Variants in CYFIP1 observed in about 807,000 individuals in gnomAD.
The protein encoded by CYFIP1 is cytoplasmic FMR1 interacting protein 1, also known as cytoplasmic FMR1-interacting protein 1.
A neutral mutation model predicts 163.5 loss-of-function variants in CYFIP1; 58 were observed. The ratio of observed to expected loss-of-function variants is 0.35; its 90% CI spans 0.29 to 0.44. CYFIP1 has a LOEUF of 0.44. Among genes scored for constraint, CYFIP1 ranks in the 20% least tolerant of loss-of-function variants. The pLI is 1.00. For synonymous variants in CYFIP1, 663 were observed against 660.7 expected (o/e 1.00, Z -0.05); for missense variants, 1,338 against 1,653.8 (o/e 0.81, Z 3.31).
chr15:22,895,171 A>C (rs1487177924), intron 22 of CYFIP1, among the ~76,000 whole-genome samples: 1 of 151,982 alleles, frequency 6.6e-6, no homozygotes, highest in Non-Finnish European at 1.5e-5. Flanking sequence ...CCCGCCACCA[A>C]GCCCAGCTAA....
chr15:22,917,504 C>G lies in CYFIP1; in HGVS notation c.1674+284G>C, dbSNP rs1595596344. 2 of 545,896 alleles carry G rather than the reference C, an allele frequency of 3.7e-6. No homozygotes were observed. The highest frequency in any genetic ancestry group is 6.8e-5 in the East Asian group (2 of 29,324). The allele number at this position is 545,896 out of a possible 1,614,324, so 33.8% of individuals were successfully genotyped here. ...CCCATCAAGAAACACAGAATGAATACAGACACGTGGACTTGTGCCCACATT... is the reference window on the plus strand; with the variant it reads ...CCCATCAAGAAACACAGAATGAATAGAGACACGTGGACTTGTGCCCACATT... On this transcript the variant is annotated intron_variant, in intron 15 of 30. Coordinates refer to ENST00000617928, the MANE Select transcript of CYFIP1 (RefSeq NM_014608.6). The surrounding 1 kb of genome is among the most constrained non-coding windows in gnomAD (Gnocchi z 4.2).
intron 1 of CYFIP1, among the ~76,000 whole-genome samples, chr15:22,972,021 T>G (rs1398498485): frequency 1.3e-5 from 2 of 152,190 alleles, no homozygotes; most frequent in Non-Finnish European, 2.9e-5. Flanking sequence ...CCTACCATAT[T>G]CTTCATGCAA....
chr15:22,894,283 T>C (rs1009014262), intron 22 of CYFIP1, among the ~76,000 whole-genome samples: 14 of 137,488 alleles, frequency 1.0e-4, no homozygotes, highest in African/African-American at 2.5e-4. Flanking sequence ...CTTTTCTTTT[T>C]TTTTTTTTTT....
intron 12 of CYFIP1, among the ~76,000 whole-genome samples, chr15:22,927,152 C>T (rs2061380201): frequency 6.6e-6 from 1 of 151,986 alleles, no homozygotes; most frequent in African/African-American, 2.4e-5. Context: ...GCCTGGCCCA[C>T]ACGGCGAGAC....
intron 9 of CYFIP1, among the ~76,000 whole-genome samples, chr15:22,934,120 A>ACC (rs2061625224): frequency 6.8e-6 from 1 of 147,482 alleles, no homozygotes; most frequent in South Asian, 2.1e-4. Context: ...GTTAAAATTA[A>ACC]CCTACCATGT....
At chr15:22,873,904 C>G (rs1407711096) in intron 28 of CYFIP1, among the ~76,000 whole-genome samples, 175 bp from the exon 29 acceptor site, 2 of 152,216 alleles carry the variant, frequency 1.3e-5, no homozygotes, top group African/African-American at 4.8e-5. Flanking sequence ...CGACCAGGTG[C>G]ATGCCACCAC....
intron 21 of CYFIP1, among the ~76,000 whole-genome samples, chr15:22,906,471 T>C: frequency 6.8e-6 from 1 of 147,274 alleles, no homozygotes; most frequent in East Asian, 2.0e-4. Context: ...TATTTTTTTT[T>C]TTTTTTTTTT....
chr15:22,905,862 C>A (rs1195546535), intron 21 of CYFIP1, among the ~76,000 whole-genome samples: 1 of 151,874 alleles, frequency 6.6e-6, no homozygotes, highest in Non-Finnish European at 1.5e-5. Context: ...CGGGTTCCTG[C>A]CATTCTCCTG....
intron 28 of CYFIP1, among the ~76,000 whole-genome samples, chr15:22,874,278 C>T (rs1268081459): frequency 6.6e-6 from 1 of 152,232 alleles, no homozygotes; most frequent in African/African-American, 2.4e-5. Flanking sequence ...AAGCCTTCTT[C>T]ATGAAGGGCT....
chr15:22,948,918 A>C (rs972785750), intron 1 of CYFIP1, among the ~76,000 whole-genome samples: 3 of 151,956 alleles, frequency 2.0e-5, no homozygotes, highest in Non-Finnish European at 4.4e-5. Flanking sequence ...AATTTTGGGG[A>C]TCTTCAGGAC....
chr15:22,934,820 A>T (rs548143414), intron 9 of CYFIP1, among the ~76,000 whole-genome samples: 182 of 152,066 alleles, frequency 1.2e-3, no homozygotes, highest in Non-Finnish European at 2.1e-3. Flanking sequence ...ATATACTAGC[A>T]ACAATCAGAA....
intron 16 of CYFIP1, among the ~76,000 whole-genome samples, chr15:22,915,614 T>C (rs2142094923): frequency 6.6e-6 from 1 of 152,206 alleles, no homozygotes; most frequent in Admixed American, 6.5e-5. Context: ...CCAGGCGCAG[T>C]GGTGAGCACC....
At position 22,944,685 on chromosome 15, in the gene CYFIP1, A is replaced by AT. The variant is rs765960160; in HGVS notation, c.286-27dup. On this transcript the variant is annotated intron_variant, in intron 4 of 30. Coordinates refer to ENST00000617928, the MANE Select transcript of CYFIP1 (RefSeq NM_014608.6). The stretch of plus-strand genomic sequence containing the variant: ...CTGGGAATAAAGGAACAAGGATGAC[A>AT]TAAGAGGCTTTGATCCAGCCAGAAG... 3.8e-6 allele frequency: 6 copies of AT among 1,598,814 alleles called. No homozygotes were observed. The African/African-American group carries it at 8.0e-5, about 21-fold the overall frequency.
At chr15:22,929,941 CA>C (rs1206518800) in intron 11 of CYFIP1, among the ~76,000 whole-genome samples, 4 of 133,928 alleles carry the variant, frequency 3.0e-5, no homozygotes, top group East Asian at 2.4e-4. Flanking sequence ...ACCTCAAAAA[CA>C]AACAAAAAAA....
At chr15:22,888,123 TAA>T (rs2059975998) in intron 23 of CYFIP1, among the ~76,000 whole-genome samples, 2 of 152,184 alleles carry the variant, frequency 1.3e-5, no homozygotes, top group Admixed American at 6.5e-5. Flanking sequence ...TAACATTGCA[TAA>T]ATGGGTCCCT....
intron 1 of CYFIP1, among the ~76,000 whole-genome samples, chr15:22,955,408 C>T (rs1329956088): frequency 2.0e-5 from 3 of 152,244 alleles, no homozygotes; most frequent in Non-Finnish European, 4.4e-5. Flanking sequence ...CAGATGGCCA[C>T]TTTCCAAGTG....
At position 22,947,072 on chromosome 15, in the gene CYFIP1, A is replaced by G. The variant is rs777766324; in HGVS notation, c.138T>C (p.Phe46=). Reference sequence around the variant, plus strand: ...CAGTAACAAATGCATTTCTGTCTTCAAAGTTAGTGTTGAAATTTGGCTGAA... The same window carrying G: ...CAGTAACAAATGCATTTCTGTCTTCGAAGTTAGTGTTGAAATTTGGCTGAA... ...LLYQPNFNTN[F]EDRNAFVTGI... Residue 46 remains phenylalanine, a synonymous_variant, in exon 3 of 31, where the codon TTT becomes TTC. Transcript: ENST00000617928. The G allele has an allele frequency of 6.2e-7, 1 of 1,614,144 alleles. No homozygotes were observed. Among genetic ancestry groups the G allele is most frequent in the Non-Finnish European group, 8.5e-7 (1 of 1,179,998 alleles).
At chr15:22,877,958 C>T (rs1250635260) in intron 26 of CYFIP1, among the ~76,000 whole-genome samples, 1 of 152,248 alleles carries the variant, frequency 6.6e-6, no homozygotes, top group African/African-American at 2.4e-5. Flanking sequence ...GCGGCTGGTC[C>T]AGAGGCTCAG....
chr15:22,942,527 A>T (rs1178625846), intron 6 of CYFIP1, among the ~76,000 whole-genome samples: 1 of 151,344 alleles, frequency 6.6e-6, no homozygotes, highest in African/African-American at 2.5e-5. Flanking sequence ...CCCATCGGCC[A>T]CCCACTGCCC....
Sources: allele counts gnomAD v4.1 joint callset (sites outside exome capture counted in the v4.1 genomes callset), GRCh38; gene constraint gnomAD v4.1.1; non-coding constraint Gnocchi (gnomAD v3.1); transcripts MANE v1.5; gene names NCBI Gene and HGNC (gene_info 2026-07-23, HGNC 2026-07-21).